NOS1AP: variants seen among roughly 807,000 people sequenced by gnomAD.
NOS1AP encodes nitric oxide synthase 1 adaptor protein.
A neutral mutation model predicts 56.2 loss-of-function variants in NOS1AP; 21 were observed. The ratio of observed to expected loss-of-function variants is 0.37; its 90% CI spans 0.26 to 0.54. The LOEUF is 0.54. Ranked by LOEUF, NOS1AP falls within the 20% of genes least tolerant of loss-of-function variation. The probability of loss-of-function intolerance (pLI) is 0.84; values close to 1 mark genes in which losing one functional copy is unlikely to be tolerated. For missense variants in NOS1AP, 522 were observed against 657.8 expected (o/e 0.79, Z 2.26); for synonymous variants, 270 against 274.6 (o/e 0.98, Z 0.17).
intron 2 of NOS1AP, among the ~76,000 whole-genome samples, chr1:162,242,370 G>T (rs199519149): frequency 1.3e-5 from 2 of 152,164 alleles, no homozygotes; most frequent in African/African-American, 4.8e-5. Context: ...CAAAAAAATG[G>T]CCAGTCAACT....
chr1:162,100,334 G>A (rs1692354519), intron 1 of NOS1AP, among the ~76,000 whole-genome samples: 1 of 152,122 alleles, frequency 6.6e-6, no homozygotes, highest in Admixed American at 6.5e-5. Flanking sequence ...TCTAACTGGT[G>A]TGAGATGGTA....
rs535876636 is a variant in NOS1AP at position 162,302,254 on chromosome 1, G to A, written c.344+1548G>A. On this transcript the variant is annotated intron_variant, in intron 4 of 9. Coordinates refer to ENST00000361897, the MANE Select transcript of NOS1AP (RefSeq NM_014697.3). Reference sequence around the variant, plus strand: ...TTCTACTCACTTTTGTATATCTAGCGCTAAACCTGCATCTGGCCCAAATGA... The same window carrying A: ...TTCTACTCACTTTTGTATATCTAGCACTAAACCTGCATCTGGCCCAAATGA... Among the ~76,000 whole-genome samples, 50 of 152,238 alleles carry A rather than the reference G, an allele frequency of 3.3e-4. 1 individual carries two copies. Among genetic ancestry groups the A allele is most frequent in the South Asian group, 6.2e-4 (3 of 4,820 alleles).
chr1:162,287,199 C>T (rs1655116070), intron 2 of NOS1AP, 145 bp from the exon 3 acceptor site: 1 of 630,958 alleles, frequency 1.6e-6, no homozygotes, highest in Non-Finnish European at 2.8e-6. Flanking sequence ...CCTGCTTTTA[C>T]ATCCCCCGAG....
chr1:162,241,116 C>T (rs1653477395), intron 2 of NOS1AP, among the ~76,000 whole-genome samples: 1 of 152,188 alleles, frequency 6.6e-6, no homozygotes, highest in African/African-American at 2.4e-5. Flanking sequence ...ATTGGAAAGG[C>T]ACCTACTCTG....
At chr1:162,104,919 T>C (rs1233673801) in intron 1 of NOS1AP, among the ~76,000 whole-genome samples, 1 of 152,222 alleles carries the variant, frequency 6.6e-6, no homozygotes. Context: ...CTCAGGCATC[T>C]CATCCTCAGT....
At chr1:162,197,804 C>T (rs1651855496) in intron 2 of NOS1AP, among the ~76,000 whole-genome samples, 3 of 152,344 alleles carry the variant, frequency 2.0e-5, no homozygotes, top group Admixed American at 2.0e-4. Context: ...AGATGCCTGG[C>T]TCTAGGGTGT....
At chr1:162,318,843 C>T (rs1480266153) in intron 4 of NOS1AP, among the ~76,000 whole-genome samples, 1 of 152,150 alleles carries the variant, frequency 6.6e-6, no homozygotes, top group Admixed American at 6.5e-5. Flanking sequence ...CTCCTCCTTC[C>T]ATGTTCCTTA....
chr1:162,347,674 G>A (rs190811549), intron 6 of NOS1AP, among the ~76,000 whole-genome samples: 72 of 152,290 alleles, frequency 4.7e-4, no homozygotes, highest in Middle Eastern at 3.4e-3. Flanking sequence ...GTGGTCTGCT[G>A]GGTGGAGTGG....
At chr1:162,364,727 G>A (rs1658011825) in intron 8 of NOS1AP, 2 of 985,998 alleles carry the variant, frequency 2.0e-6, no homozygotes, top group Non-Finnish European at 2.4e-6. Context: ...TATGTGGTAT[G>A]AATCATGGTC....
chr1:162,113,170 C>T (rs1647779074), intron 1 of NOS1AP, among the ~76,000 whole-genome samples: 1 of 152,170 alleles, frequency 6.6e-6, no homozygotes, highest in African/African-American at 2.4e-5. Context: ...GGGAAGCCTA[C>T]ACCTCTTCTC....
At chr1:162,359,720 G>GGA (rs1657827773) in intron 8 of NOS1AP, among the ~76,000 whole-genome samples, 1 of 94,690 alleles carries the variant, frequency 1.1e-5, no homozygotes, top group African/African-American at 4.3e-5. Flanking sequence ...TTCTCTACGC[G>GGA]GGGGGGGGCT....
chr1:162,254,635 A>T (rs1653968645), intron 2 of NOS1AP, among the ~76,000 whole-genome samples: 2 of 152,332 alleles, frequency 1.3e-5, no homozygotes, highest in East Asian at 3.9e-4. Context: ...TCACAAGAGG[A>T]TGCGACTGGT....
chr1:162,319,901 C>T (rs532637420), intron 4 of NOS1AP, among the ~76,000 whole-genome samples: 1 of 152,310 alleles, frequency 6.6e-6, no homozygotes, highest in African/African-American at 2.4e-5. Flanking sequence ...AGGACCCTGA[C>T]TGACACATTC....
At chr1:162,352,433 T>C (rs942838289) in intron 6 of NOS1AP, among the ~76,000 whole-genome samples, 7 of 151,816 alleles carry the variant, frequency 4.6e-5, no homozygotes, top group Non-Finnish European at 1.0e-4. Flanking sequence ...TTTTTTTTTT[T>C]CTGACATTCC....
intron 1 of NOS1AP, among the ~76,000 whole-genome samples, chr1:162,089,177 A>C (rs752720645): frequency 3.3e-5 from 5 of 152,214 alleles, no homozygotes; most frequent in African/African-American, 4.8e-5. Context: ...ATAAGGAAAG[A>C]GCAAGGATGA....
intron 1 of NOS1AP, among the ~76,000 whole-genome samples, chr1:162,140,315 A>T (rs1029868058): frequency 2.0e-5 from 3 of 151,998 alleles, no homozygotes; most frequent in Non-Finnish European, 4.4e-5. Flanking sequence ...TATATATATT[A>T]TTAGAATCAA....
At position 162,189,060 on chromosome 1, in the gene NOS1AP, A is replaced by AAAAT. The variant is rs143439441; in HGVS notation, c.177+34604_177+34607dup. 1.8e-3 allele frequency among the ~76,000 whole-genome samples: 278 copies of AAAAT among 152,240 alleles called. 1 individual carries two copies. The highest frequency in any genetic ancestry group is 6.3e-3 in the African/African-American group (261 of 41,546). ...CGACAGAGTGAGACTTCATCTTGAA[A>AAAAT]AAATAAATAAATAAATAAATAAAAA... is the stretch of plus-strand genomic sequence containing the variant. On this transcript the variant is annotated intron_variant, in intron 2 of 9. Coordinates refer to ENST00000361897, the MANE Select transcript of NOS1AP (RefSeq NM_014697.3).
chr1:162,367,387 CAGG>C lies in NOS1AP; in HGVS notation c.1447_1449del (p.Glu483del). 1 of 1,607,024 alleles carries C rather than the reference CAGG, an allele frequency of 6.2e-7. No homozygotes were observed. The highest frequency in any genetic ancestry group is 1.7e-4 in the Middle Eastern group (1 of 6,046). ...GAGCGAGGAGCGCGACTCGTGGTCC[CAGG>C]AGGAGCTGCCGCGCCTGCTGAATGT... is the stretch of plus-strand genomic sequence containing the variant. On this transcript the variant is annotated inframe_deletion, in exon 10 of 10. Coordinates refer to ENST00000361897, the MANE Select transcript of NOS1AP (RefSeq NM_014697.3). The surrounding 1 kb of genome is among the most constrained non-coding windows in gnomAD (Gnocchi z 6.5).
intron 2 of NOS1AP, among the ~76,000 whole-genome samples, chr1:162,236,676 T>TG (rs907347319): frequency 1.8e-4 from 28 of 152,222 alleles, no homozygotes; most frequent in African/African-American, 3.1e-4. Context: ...TGGTGGGGGA[T>TG]GGGGGGGCAG....
Sources: gnomAD v4.1 joint callset for allele counts (sites outside exome capture counted in the v4.1 genomes callset) on GRCh38, gnomAD v4.1.1 for gene constraint, Gnocchi (gnomAD v3.1) non-coding constraint, MANE v1.5 for transcripts, NCBI Gene and HGNC (gene_info 2026-07-23, HGNC 2026-07-21) for gene names.